Variants in ADCK2 observed in about 807,000 individuals in gnomAD.
The protein encoded by ADCK2 is uncharacterized aarF domain-containing protein kinase 2.
ADCK2 carries 37 observed loss-of-function variants against 52.3 expected under a neutral mutation model. That is an observed-to-expected ratio of 0.71 (90% CI 0.54 to 0.93). The LOEUF (loss-of-function observed/expected upper bound fraction) is 0.93, where lower values mean the gene tolerates loss of function less well. Among genes scored for constraint, ADCK2 ranks in the 40% least tolerant of loss-of-function variants. The probability of loss-of-function intolerance (pLI) is 0.00; values close to 1 mark genes in which losing one functional copy is unlikely to be tolerated. For missense variants in ADCK2, 695 were observed against 798.7 expected (o/e 0.87, Z 1.56); for synonymous variants, 321 against 349.2 (o/e 0.92, Z 0.90).
At chr7:140,690,580 G>C (rs1410939228) in intron 6 of ADCK2, among the ~76,000 whole-genome samples, 180 bp from the exon 7 acceptor site, 1 of 151,958 alleles carries the variant, frequency 6.6e-6, no homozygotes, top group African/African-American at 2.4e-5. Context: ...GTGGAGTTGG[G>C]CTTGTGCTGG....
intron 4 of ADCK2, among the ~76,000 whole-genome samples, chr7:140,686,671 C>T (rs1456021738): frequency 2.0e-5 from 3 of 152,178 alleles, no homozygotes; most frequent in Non-Finnish European, 4.4e-5. Flanking sequence ...CCTTGAACTC[C>T]TGGGCTCAAG....
Position 140,674,596 on chromosome 7 carries a change from T to G in ADCK2, c.934-15T>G, listed in dbSNP as rs573257578. 2.4e-5 allele frequency: 38 copies of G among 1,602,392 alleles called. 1 individual carries two copies. In the African/African-American group the frequency reaches 3.7e-4, roughly 16 times the overall value. Reference sequence around the variant, plus strand: ...CAGCAGGTTTCTCCTGTCTCACGGTTCCTCTTTCTGACAGGTGTTGCACCC... The same window carrying G: ...CAGCAGGTTTCTCCTGTCTCACGGTGCCTCTTTCTGACAGGTGTTGCACCC... On this transcript the variant is annotated splice_polypyrimidine_tract_variant and intron_variant, in intron 1 of 7. Transcript: ENST00000072869. The surrounding 1 kb of genome is among the most constrained non-coding windows in gnomAD (Gnocchi z 4.6).
rs754029926 is a variant in ADCK2 at position 140,677,803 on chromosome 7, T to C, written c.1081-1352T>C. On this transcript the variant is annotated intron_variant, in intron 2 of 7. Coordinates refer to ENST00000072869, the MANE Select transcript of ADCK2 (RefSeq NM_052853.4). Reference sequence around the variant, plus strand: ...GTTGGTGTCCTTAGCTTGAGCTGAGTATTGAAAGGTGACTGGTGTTTGCAG... The same window carrying C: ...GTTGGTGTCCTTAGCTTGAGCTGAGCATTGAAAGGTGACTGGTGTTTGCAG... Among the ~76,000 whole-genome samples, 150 of 152,076 alleles carry C rather than the reference T, an allele frequency of 9.9e-4. 2 individuals carry two copies. The highest frequency in any genetic ancestry group is 3.9e-4 in the East Asian group (2 of 5,164).
intron 2 of ADCK2, among the ~76,000 whole-genome samples, chr7:140,677,330 C>T (rs530767069): frequency 7.8e-4 from 118 of 152,082 alleles, no homozygotes; most frequent in Admixed American, 1.2e-3. Context: ...ATCGCTTGAA[C>T]CCAGGAGGCG....
intron 4 of ADCK2, among the ~76,000 whole-genome samples, chr7:140,684,667 G>A (rs544928382): frequency 3.3e-4 from 51 of 152,320 alleles, no homozygotes; most frequent in African/African-American, 1.2e-3. Flanking sequence ...CAGCAGGGGC[G>A]CTCAGAGCAG....
intron 6 of ADCK2, 49 bp downstream of exon 6, chr7:140,689,774 T>C (rs746495177): frequency 1.0e-5 from 16 of 1,552,316 alleles, no homozygotes; most frequent in Non-Finnish European, 1.3e-5. Context: ...ATACCTGGCC[T>C]GGGGCAGAGC....
At chr7:140,677,132 G>C (rs755684852) in intron 2 of ADCK2, among the ~76,000 whole-genome samples, 2 of 152,200 alleles carry the variant, frequency 1.3e-5, no homozygotes, top group Non-Finnish European at 2.9e-5. Flanking sequence ...TCAGGGCCAG[G>C]TGCCGTGGCT....
chr7:140,679,662 C>CTTTTTTTT (rs57302302), intron 3 of ADCK2, among the ~76,000 whole-genome samples: 1 of 75,372 alleles, frequency 1.3e-5, no homozygotes, highest in African/African-American at 4.5e-5. Flanking sequence ...CCTTCTCTCT[C>CTTTTTTTT]TTTTTTTTTT....
At chr7:140,683,566 G>C (rs569430016) in intron 4 of ADCK2, among the ~76,000 whole-genome samples, 1 of 152,156 alleles carries the variant, frequency 6.6e-6, no homozygotes. Flanking sequence ...AAGAATTCTT[G>C]GTTGGTTTTG....
chr7:140,690,473 G>C (rs956417383), intron 6 of ADCK2, among the ~76,000 whole-genome samples: 3 of 141,156 alleles, frequency 2.1e-5, no homozygotes, highest in African/African-American at 7.6e-5. Flanking sequence ...AAAGTGCTAG[G>C]ATTATAGGCA....
chr7:140,680,279 G>T (rs1386844248), intron 3 of ADCK2, among the ~76,000 whole-genome samples: 1 of 151,780 alleles, frequency 6.6e-6, no homozygotes, highest in East Asian at 1.9e-4. Context: ...CCAAGTAGCT[G>T]GGACCATAGG....
chr7:140,675,909 A>G (rs1794402077), intron 2 of ADCK2, among the ~76,000 whole-genome samples: 1 of 152,176 alleles, frequency 6.6e-6, no homozygotes, highest in Admixed American at 6.5e-5. Context: ...TCGGGGCTCC[A>G]CTTAGGTACC....
intron 7 of ADCK2, among the ~76,000 whole-genome samples, chr7:140,692,223 A>G (rs940870133): frequency 1.5e-4 from 23 of 152,084 alleles, no homozygotes; most frequent in African/African-American, 4.8e-4. Context: ...GGGAACCACC[A>G]TGCTGTTTTA....
chr7:140,683,323 G>A (rs1449117186), intron 4 of ADCK2, among the ~76,000 whole-genome samples: 1 of 152,088 alleles, frequency 6.6e-6, no homozygotes, highest in African/African-American at 2.4e-5. Flanking sequence ...AGACATAGGA[G>A]GTTTTTATGC....
chr7:140,692,785 A>C (rs986546760), intron 7 of ADCK2, among the ~76,000 whole-genome samples: 1 of 152,274 alleles, frequency 6.6e-6, no homozygotes, highest in African/African-American at 2.4e-5. Flanking sequence ...ATTTTAGAAA[A>C]GTTTTAAAAA....
rs1801654980 is a variant in ADCK2, at chr7:140,673,003, C to G, written c.-328C>G. The G allele has an allele frequency of 6.2e-6, 1 of 162,466 alleles. No individual in the cohort carries two copies. The highest frequency in any genetic ancestry group is 6.5e-5 in the Admixed American group (1 of 15,438). 10.1% of individuals were successfully genotyped at this position (162,466 alleles called of 1,614,324 possible). A position where few individuals can be genotyped will look rare whatever the true frequency, so the allele number is the denominator to read the frequency against. On this transcript the variant is annotated 5_prime_UTR_variant, in exon 1 of 8. Transcript: ENST00000072869. The surrounding 1 kb of genome is among the most constrained non-coding windows in gnomAD (Gnocchi z 6.4). ...GCACGGTGACCCTGCGGCTGCCCGG[C>G]CCCTGCCTCCGCCCGCGCGGCCCCC...
chr7:140,694,569 G>C, intron 7 of ADCK2, 94 bp from the exon 8 acceptor site: 1 of 1,273,832 alleles, frequency 7.9e-7, no homozygotes, highest in Non-Finnish European at 1.1e-6. Flanking sequence ...GCAGGTCTGA[G>C]GGAGGCTGAG....
Position 140,673,341 on chromosome 7 carries a change from C to A in ADCK2, c.11C>A (p.Pro4His). 1 of 1,454,582 alleles carries A rather than the reference C, an allele frequency of 6.9e-7. No homozygotes were observed. The highest frequency in any genetic ancestry group is 2.6e-5 in the East Asian group (1 of 38,430). The allele number at this position is 1,454,582 out of a possible 1,614,324, so 90.1% of individuals were successfully genotyped here. A position where few individuals can be genotyped will look rare whatever the true frequency, so the allele number is the denominator to read the frequency against. The change falls in exon 1 of 8, where the codon CCC (proline) becomes CAC (histidine). Residue 4 changes from proline (P) to histidine (H), a missense_variant. By Grantham distance (77) the Pro-to-His change is moderately conservative (BLOSUM62 -2). Transcript: ENST00000072869. The surrounding 1 kb of genome is among the most constrained non-coding windows in gnomAD (Gnocchi z 6.4). MVA[P>H]WRVSVRVCLS... is the part of the protein sequence containing the mutation. ...GCGGGCCTCGGGAGGATGGTGGCGC[C>A]CTGGCGCGTCTCCGTCAGGGTTTGC...
intron 3 of ADCK2, among the ~76,000 whole-genome samples, chr7:140,679,646 G>A (rs1794481278): frequency 7.3e-6 from 1 of 137,514 alleles, no homozygotes. Context: ...CTCTACTCTA[G>A]TTCAGCCTTC....
Sources: allele counts gnomAD v4.1 joint callset (sites outside exome capture counted in the v4.1 genomes callset), GRCh38; gene constraint gnomAD v4.1.1; non-coding constraint Gnocchi (gnomAD v3.1); transcripts MANE v1.5; gene names NCBI Gene and HGNC (gene_info 2026-07-23, HGNC 2026-07-21).